The following NFX1 variants were observed in gnomAD, a reference collection of about 807,000 sequenced individuals.
NFX1 encodes the protein transcriptional repressor NF-X1.
A neutral mutation model predicts 137.2 loss-of-function variants in NFX1; 69 were observed. That is an observed-to-expected ratio of 0.50 (90% CI 0.41 to 0.61). The LOEUF (loss-of-function observed/expected upper bound fraction) is 0.61, where lower values mean the gene tolerates loss of function less well. Among genes scored for constraint, NFX1 ranks in the 20% least tolerant of loss-of-function variants. The probability of loss-of-function intolerance (pLI) is 0.00; values close to 1 mark genes in which losing one functional copy is unlikely to be tolerated. For missense variants in NFX1, 1,167 were observed against 1,391.0 expected (o/e 0.84, Z 2.56); for synonymous variants, 495 against 474.1 (o/e 1.04, Z -0.57).
At chr9:33,347,684 A>C (rs112941102) in intron 15 of NFX1, 3 of 437,694 alleles carry the variant, frequency 6.9e-6, no homozygotes, top group East Asian at 1.5e-4. Context: ...CTGGGCGTCT[A>C]CCCAGAAGAA....
At chr9:33,359,453 G>A (rs888371406) in intron 19 of NFX1, among the ~76,000 whole-genome samples, 2 of 152,092 alleles carry the variant, frequency 1.3e-5, no homozygotes, top group African/African-American at 4.8e-5. Flanking sequence ...ACAAAAATTA[G>A]CCGGGCATGG....
At chr9:33,325,761 A>G (rs1426197118) in intron 9 of NFX1, among the ~76,000 whole-genome samples, 1 of 152,224 alleles carries the variant, frequency 6.6e-6, no homozygotes. Flanking sequence ...ATTTATTGCT[A>G]GCAGGCAGAC....
intron 19 of NFX1, among the ~76,000 whole-genome samples, chr9:33,362,692 GTTTTTTTTTTT>G (rs750544815): frequency 1.1e-4 from 11 of 96,332 alleles, no homozygotes; most frequent in Admixed American, 3.6e-4. Context: ...AGTTCCTGTG[GTTTTTTTTTTT>G]TTTTTTTTTT....
chr9:33,332,851 T>C (rs929950651), intron 11 of NFX1, among the ~76,000 whole-genome samples: 1 of 152,236 alleles, frequency 6.6e-6, no homozygotes, highest in African/African-American at 2.4e-5. Flanking sequence ...GAACTTTTTT[T>C]CTTTTTCCTT....
At chr9:33,322,833 AATG>A (rs1822437123) in intron 9 of NFX1, among the ~76,000 whole-genome samples, 1 of 152,208 alleles carries the variant, frequency 6.6e-6, no homozygotes, top group African/African-American at 2.4e-5. Context: ...CACTTTAGAA[AATG>A]ATAACATACC....
At chr9:33,330,284 A>G (rs1822755860) in intron 10 of NFX1, among the ~76,000 whole-genome samples, 1 of 152,202 alleles carries the variant, frequency 6.6e-6, no homozygotes, top group Admixed American at 6.5e-5. Context: ...TCTGTTAAAC[A>G]CAATGCAGGG....
Position 33,364,724 on chromosome 9 carries a change from G to T in NFX1, c.2989G>T (p.Val997Phe), listed in dbSNP as rs866049236. 3.1e-6 allele frequency: 5 copies of T among 1,613,582 alleles called. No homozygotes were observed. The Middle Eastern group carries it at 6.6e-4, about 213-fold the overall frequency. The change falls in exon 21 of 24, where the codon GTC (valine) becomes TTC (phenylalanine). Residue 997 changes from valine to phenylalanine, a missense_variant. Transcript: ENST00000379540. Reference protein sequence around the residue: ...KEDARKDLKFVSDVEKEMETL... With the variant: ...KEDARKDLKFFSDVEKEMETL... ...TCATTTCAGGAAGGACTTAAAGTTT[G>T]TCAGTGACGTTGAGAAGGAAATGGA...
intron 1 of NFX1, among the ~76,000 whole-genome samples, chr9:33,291,673 G>T (rs1821167259): frequency 5.3e-5 from 8 of 152,252 alleles, no homozygotes; most frequent in Admixed American, 5.2e-4. Flanking sequence ...GGAGGCCGAG[G>T]TGGACGGATC....
chr9:33,315,866 T>C (rs1822144610), intron 7 of NFX1, among the ~76,000 whole-genome samples: 1 of 144,450 alleles, frequency 6.9e-6, no homozygotes, highest in African/African-American at 2.6e-5. Context: ...CACTCCAGCC[T>C]AGGTGACAGT....
At chr9:33,356,445 T>A (rs1004883868) in intron 19 of NFX1, among the ~76,000 whole-genome samples, 1 of 152,122 alleles carries the variant, frequency 6.6e-6, no homozygotes, top group Non-Finnish European at 1.5e-5. Context: ...TCTTGATGCC[T>A]TTTTTTAATC....
intron 11 of NFX1, among the ~76,000 whole-genome samples, chr9:33,335,227 CTTTTTTTTTT>C (rs57459026): frequency 7.7e-6 from 1 of 130,516 alleles, no homozygotes; most frequent in African/African-American, 3.2e-5. Flanking sequence ...CTTTCTTTTT[CTTTTTTTTTT>C]TTTTTTTTTT....
At chr9:33,301,223 G>T (rs1564102899) in intron 2 of NFX1, 40 bp from the exon 3 acceptor site, 4 of 1,577,598 alleles carry the variant, frequency 2.5e-6, no homozygotes, top group Admixed American at 1.7e-5. Flanking sequence ...GGTTTTTTGT[G>T]TTTGAGTTAA....
chr9:33,300,155 G>T (rs1394933030), intron 2 of NFX1, among the ~76,000 whole-genome samples: 2 of 147,946 alleles, frequency 1.4e-5, no homozygotes, highest in African/African-American at 2.5e-5. Context: ...TCCGCCCCCG[G>T]GTTCAAGAGA....
At chr9:33,313,068 G>T (rs778569524) in intron 6 of NFX1, among the ~76,000 whole-genome samples, 5 of 152,096 alleles carry the variant, frequency 3.3e-5, no homozygotes, top group Non-Finnish European at 4.4e-5. Context: ...CATGATAGCT[G>T]TCCTCCCGTC....
At chr9:33,328,462 C>T (rs1822677898) in intron 9 of NFX1, 119 bp from the exon 10 acceptor site, 1 of 693,394 alleles carries the variant, frequency 1.4e-6, no homozygotes, top group East Asian at 2.5e-5. Context: ...ATACTTCCCT[C>T]AACTCTGATT....
chr9:33,306,897 G>A (rs763030054), intron 4 of NFX1, among the ~76,000 whole-genome samples: 1 of 152,016 alleles, frequency 6.6e-6, no homozygotes, highest in Non-Finnish European at 1.5e-5. Flanking sequence ...TGTCTTATAG[G>A]TATTTATCTT....
chr9:33,368,886 C>A (rs574685186), intron 23 of NFX1, among the ~76,000 whole-genome samples: 1 of 152,062 alleles, frequency 6.6e-6, no homozygotes, highest in African/African-American at 2.4e-5. Flanking sequence ...CAGGACCAGC[C>A]CCTCTCCACT....
At chr9:33,323,710 G>A (rs1334587930) in intron 9 of NFX1, among the ~76,000 whole-genome samples, 1 of 150,404 alleles carries the variant, frequency 6.6e-6, no homozygotes, top group Non-Finnish European at 1.5e-5. Context: ...CCGCGATTGC[G>A]CCACTGCACT....
chr9:33,329,644 CT>C (rs58553141), intron 10 of NFX1, among the ~76,000 whole-genome samples: 120,808 of 146,422 alleles, frequency 0.83, 49,794 homozygotes, highest in Non-Finnish European at 0.84. Context: ...TTTTATTTTT[CT>C]TTTTTTTTTT....
Sources: gnomAD v4.1 joint callset for allele counts (sites outside exome capture counted in the v4.1 genomes callset) on GRCh38, gnomAD v4.1.1 for gene constraint, MANE v1.5 for transcripts, NCBI Gene and HGNC (gene_info 2026-07-23, HGNC 2026-07-21) for gene names.